The following STK3 variants were observed in gnomAD, a reference collection of about 807,000 sequenced individuals.
STK3 encodes the protein serine/threonine-protein kinase 3.
Under a neutral mutation model 58.0 loss-of-function variants are expected in STK3, and 41 were observed. The observed-to-expected ratio is 0.71, with a 90% confidence interval of 0.55 to 0.92. The LOEUF is 0.92. STK3 is among the 40% of genes least tolerant of loss of function. The probability of loss-of-function intolerance (pLI) is 0.00; values close to 1 mark genes in which losing one functional copy is unlikely to be tolerated. For synonymous variants in STK3, 170 were observed against 191.0 expected (o/e 0.89, Z 0.91); for missense variants, 479 against 602.7 (o/e 0.79, Z 2.15).
At position 98,740,696 on chromosome 8, in the gene STK3, A is replaced by G. The variant is rs1829124466; in HGVS notation, c.351+8580T>C. Among the ~76,000 whole-genome samples, 3 of 152,234 alleles carry G rather than the reference A, an allele frequency of 2.0e-5. No homozygotes were observed. In the South Asian group the frequency reaches 6.2e-4, roughly 32 times the overall value. On this transcript the variant is annotated intron_variant, in intron 4 of 10. Coordinates refer to ENST00000419617, the MANE Select transcript of STK3 (RefSeq NM_006281.4). ...AAGAAACGGTATCAACTAATGAGCAAAATAACCAGCTAACATCATAATGAC... is the reference window on the plus strand; with the variant it reads ...AAGAAACGGTATCAACTAATGAGCAGAATAACCAGCTAACATCATAATGAC...
At chr8:98,520,977 C>T (rs948426432) in intron 10 of STK3, among the ~76,000 whole-genome samples, 4 of 152,146 alleles carry the variant, frequency 2.6e-5, no homozygotes, top group South Asian at 2.1e-4. Context: ...TTGTCTTTTG[C>T]CATACTCACT....
At chr8:98,924,028 T>C (rs16897123) in intron 1 of STK3, among the ~76,000 whole-genome samples, 4,047 of 152,236 alleles carry the variant, frequency 0.027, 74 homozygotes, top group South Asian at 0.06. Context: ...AAACCAGTCA[T>C]TGTACCCTGA....
At chr8:98,375,097 A>C (rs1048013026) in intron 2 of STK3, among the ~76,000 whole-genome samples, 1 of 151,818 alleles carries the variant, frequency 6.6e-6, no homozygotes, top group African/African-American at 2.4e-5. Flanking sequence ...ACAACAAAAA[A>C]AAAAACTATT....
At chr8:98,897,713 G>A (rs1838510217) in intron 1 of STK3, among the ~76,000 whole-genome samples, 1 of 152,190 alleles carries the variant, frequency 6.6e-6, no homozygotes, top group Non-Finnish European at 1.5e-5. Context: ...TGATGTGTGT[G>A]ATTCCTTAGT....
chr8:98,384,928 G>A (rs897023190), intron 1 of STK3, among the ~76,000 whole-genome samples: 3 of 152,080 alleles, frequency 2.0e-5, no homozygotes, highest in Non-Finnish European at 2.9e-5. Flanking sequence ...TGGTGTAACC[G>A]GGATAACATT....
rs578087844 is a variant in STK3 at position 98,505,306 on chromosome 8, G to A, written c.1317+21436C>T. Among the ~76,000 whole-genome samples the A allele has an allele frequency of 1.1e-4, 16 of 152,128 alleles. No homozygotes were observed. The South Asian group carries it at 1.2e-3, about 12-fold the overall frequency. The stretch of plus-strand genomic sequence containing the variant: ...GCCATTAGTCTAATCTTTTTTCAAC[G>A]CTTTTAGCTTCCTTGCAATGGGTTC... On this transcript the variant is annotated intron_variant, in intron 10 of 10. Transcript: ENST00000419617.
At chr8:98,424,433 G>T (rs1018847144) in intron 3 of STK3, among the ~76,000 whole-genome samples, 1 of 152,170 alleles carries the variant, frequency 6.6e-6, no homozygotes, top group African/African-American at 2.4e-5. Context: ...GAGGGAGGAA[G>T]GTAGGAGGTC....
chr8:98,558,299 TTAAC>T (rs1811752810), intron 8 of STK3, among the ~76,000 whole-genome samples: 2 of 152,252 alleles, frequency 1.3e-5, no homozygotes, highest in Admixed American at 1.3e-4. Flanking sequence ...GGTTATTACA[TTAAC>T]TAACATACCA....
intron 1 of STK3, among the ~76,000 whole-genome samples, chr8:98,894,303 A>G (rs1024646711): frequency 2.6e-5 from 4 of 152,218 alleles, no homozygotes; most frequent in African/African-American, 7.2e-5. Flanking sequence ...TCATCAATCA[A>G]TTCAACAAGC....
intron 10 of STK3, among the ~76,000 whole-genome samples, chr8:98,508,749 T>A (rs1186266409): frequency 3.3e-5 from 5 of 152,134 alleles, no homozygotes; most frequent in African/African-American, 9.7e-5. Flanking sequence ...GAAAACAAAT[T>A]TAAAATAAAG....
intron 6 of STK3, among the ~76,000 whole-genome samples, chr8:98,681,224 C>T (rs917719140): frequency 6.6e-6 from 1 of 152,012 alleles, no homozygotes; most frequent in Non-Finnish European, 1.5e-5. Context: ...GTCTCGAACT[C>T]CTGACCTTGT....
intron 9 of STK3, among the ~76,000 whole-genome samples, chr8:98,541,252 T>G (rs1241806866): frequency 6.6e-6 from 1 of 152,182 alleles, no homozygotes; most frequent in Non-Finnish European, 1.5e-5. Flanking sequence ...GGGGGACTGG[T>G]GGGAGATGAT....
At chr8:98,825,987 G>A (rs2131765131), upstream of STK3, among the ~76,000 whole-genome samples, 1 of 150,406 alleles carries the variant, frequency 6.6e-6, no homozygotes, top group Middle Eastern at 3.5e-3. Context: ...GGCCGGTGCC[G>A]CGGCGGGTGG....
chr8:98,454,554 T>C (rs1009480566), downstream of STK3: 1 of 152,330 alleles, frequency 6.6e-6, no homozygotes, highest in Non-Finnish European at 1.5e-5. Flanking sequence ...ATCTAGCCTG[T>C]CCTAACTAAT....
intron 3 of STK3, among the ~76,000 whole-genome samples, chr8:98,750,631 A>T (rs1335585853): frequency 1.3e-5 from 2 of 151,400 alleles, no homozygotes; most frequent in Non-Finnish European, 2.9e-5. Flanking sequence ...AAAAAAAACC[A>T]CCCAGGACCA....
intron 1 of STK3, among the ~76,000 whole-genome samples, chr8:98,781,525 C>A (rs1272162294): frequency 6.6e-6 from 1 of 152,152 alleles, no homozygotes. Flanking sequence ...GGCAGGGAAT[C>A]TTTCCCACTA....
chr8:98,685,443 C>T (rs1563887665), intron 6 of STK3, among the ~76,000 whole-genome samples: 1 of 152,106 alleles, frequency 6.6e-6, no homozygotes, highest in Non-Finnish European at 1.5e-5. Flanking sequence ...AAGTTGAGAC[C>T]TGTTTATTCT....
intron 6 of STK3, chr8:98,651,847 T>G (rs1198394863): frequency 6.6e-6 from 1 of 152,174 alleles, no homozygotes. Flanking sequence ...AGACCAGATC[T>G]ACGTCTGATT....
chr8:98,923,875 G>GCGCA (rs1839681501), intron 1 of STK3, among the ~76,000 whole-genome samples: 6 of 147,756 alleles, frequency 4.1e-5, no homozygotes, highest in African/African-American at 1.5e-4. Flanking sequence ...GCGCGCGCGC[G>GCGCA]CGTTGACAAT....
Sources: allele counts gnomAD v4.1 joint callset (sites outside exome capture counted in the v4.1 genomes callset), GRCh38; gene constraint gnomAD v4.1.1; transcripts MANE v1.5; gene names NCBI Gene and HGNC (gene_info 2026-07-23, HGNC 2026-07-21).